CWC27: variants seen among roughly 807,000 people sequenced by gnomAD.
CWC27 encodes the protein spliceosome-associated protein CWC27 homolog.
CWC27 carries 47 observed loss-of-function variants against 63.6 expected under a neutral mutation model. The observed-to-expected ratio is 0.74, with a 90% CI of 0.58 to 0.94. The LOEUF (loss-of-function observed/expected upper bound fraction) is 0.94. Ranked by LOEUF, CWC27 falls within the 40% of genes least tolerant of loss-of-function variation. The pLI, the probability that CWC27 is intolerant of heterozygous loss-of-function variation, is 0.00. For missense variants in CWC27, 495 were observed against 554.3 expected, an observed-to-expected ratio of 0.89 and a Z score of 1.07; for synonymous variants, 175 against 179.8, an observed-to-expected ratio of 0.97 and a Z score of 0.22.
chr5:64,796,289 A>C (rs1744262674), intron 7 of CWC27, among the ~76,000 whole-genome samples: 3 of 152,136 alleles, frequency 2.0e-5, no homozygotes, highest in African/African-American at 7.2e-5. Flanking sequence ...TTAATCTGTC[A>C]CTTTATCTCT....
intron 13 of CWC27, among the ~76,000 whole-genome samples, chr5:64,986,959 A>T (rs954492728): frequency 1.3e-4 from 20 of 152,158 alleles, no homozygotes; most frequent in African/African-American, 4.6e-4. Context: ...TGTTGCAAGG[A>T]TGAATTGATG....
At chr5:64,830,339 A>G (rs958881581) in intron 10 of CWC27, among the ~76,000 whole-genome samples, 1 of 152,130 alleles carries the variant, frequency 6.6e-6, no homozygotes, top group Admixed American at 6.6e-5. Flanking sequence ...AGGATTCCCT[A>G]TTTAATAAAT....
At chr5:64,913,835 T>C (rs1031745516) in intron 11 of CWC27, among the ~76,000 whole-genome samples, 2 of 152,074 alleles carry the variant, frequency 1.3e-5, no homozygotes, top group African/African-American at 4.8e-5. Flanking sequence ...TAGAACCTGA[T>C]AAGCTTATTG....
At chr5:64,984,549 C>T (rs946049434) in intron 13 of CWC27, among the ~76,000 whole-genome samples, 1 of 152,160 alleles carries the variant, frequency 6.6e-6, no homozygotes, top group Non-Finnish European at 1.5e-5. Context: ...AATGAGCAAT[C>T]CAGTAGTAAT....
At chr5:64,932,856 C>A (rs1168923088) in intron 11 of CWC27, among the ~76,000 whole-genome samples, 1 of 152,148 alleles carries the variant, frequency 6.6e-6, no homozygotes, top group Non-Finnish European at 1.5e-5. Flanking sequence ...TAATAAAAAA[C>A]CTAAACTGAT....
At chr5:64,909,757 A>G (rs1189216991) in intron 11 of CWC27, among the ~76,000 whole-genome samples, 2 of 152,126 alleles carry the variant, frequency 1.3e-5, no homozygotes, top group East Asian at 3.9e-4. Context: ...TGTGTCACGT[A>G]GTTCTCGTGC....
At chr5:64,796,607 A>G (rs1275411487) in intron 7 of CWC27, among the ~76,000 whole-genome samples, 1 of 152,042 alleles carries the variant, frequency 6.6e-6, no homozygotes, top group Non-Finnish European at 1.5e-5. Flanking sequence ...TCATAGCAAC[A>G]TCTAGACTGG....
At chr5:64,970,125 T>C (rs778717754) in intron 11 of CWC27, among the ~76,000 whole-genome samples, 1 of 151,968 alleles carries the variant, frequency 6.6e-6, no homozygotes, top group African/African-American at 2.4e-5. Context: ...TTGCTCTTTA[T>C]CCCAGGACAA....
intron 13 of CWC27, among the ~76,000 whole-genome samples, chr5:64,981,398 G>A (rs1749329511): frequency 6.6e-6 from 1 of 151,906 alleles, no homozygotes; most frequent in African/African-American, 2.4e-5. Context: ...TCCTTATCAT[G>A]TATAATTTTA....
chr5:64,789,259 T>A (rs1171752026), intron 7 of CWC27, among the ~76,000 whole-genome samples: 1 of 152,106 alleles, frequency 6.6e-6, no homozygotes, highest in African/African-American at 2.4e-5. Context: ...ACTTGCAGTT[T>A]TTTGAATGGT....
At chr5:64,784,051 C>T (rs1743796519) in intron 4 of CWC27, 72 bp downstream of exon 4, 2 of 1,283,782 alleles carry the variant, frequency 1.6e-6, no homozygotes, top group Non-Finnish European at 2.1e-6. Flanking sequence ...TTCTAAGATA[C>T]ATATGATTAA....
Position 64,916,692 on chromosome 5 carries a change from G to A in CWC27, c.1042+31146G>A, listed in dbSNP as rs538230877. 3.9e-5 allele frequency among the ~76,000 whole-genome samples: 6 copies of A among 152,234 alleles called. No individual in the cohort carries two copies. The East Asian group carries it at 1.2e-3, about 29-fold the overall frequency. ...ATCATGGGTCACTCTGTCATCAGGG[G>A]CAGAACCTGTTATCAGAAGAAGGAG... On this transcript the variant is annotated intron_variant, in intron 11 of 13. Transcript: ENST00000381070.
At chr5:64,846,109 C>A (rs140018092) in intron 10 of CWC27, among the ~76,000 whole-genome samples, 9 of 152,274 alleles carry the variant, frequency 5.9e-5, no homozygotes, top group Admixed American at 1.3e-4. Flanking sequence ...AACACAAAAA[C>A]TACCAATCAA....
intron 10 of CWC27, among the ~76,000 whole-genome samples, chr5:64,853,692 A>G (rs1267142941): frequency 6.6e-6 from 1 of 152,146 alleles, no homozygotes; most frequent in Non-Finnish European, 1.5e-5. Flanking sequence ...CATGTTTTAA[A>G]CAACCAGATC....
intron 13 of CWC27, among the ~76,000 whole-genome samples, chr5:64,988,342 A>G (rs1749473446): frequency 6.6e-6 from 1 of 152,100 alleles, no homozygotes; most frequent in South Asian, 2.1e-4. Flanking sequence ...GATTTGTATG[A>G]TTCTCTTATG....
Position 65,018,498 on chromosome 5 carries a change from T to G in CWC27, c.*177T>G. 2.0e-6 allele frequency: 1 copy of G among 502,554 alleles called. No homozygotes were observed. The highest frequency in any genetic ancestry group is 3.4e-6 in the Non-Finnish European group (1 of 295,488). 31.1% of individuals were successfully genotyped at this position (502,554 alleles called of 1,614,324 possible). On this transcript the variant is annotated 3_prime_UTR_variant, in exon 14 of 14. Transcript: ENST00000381070. The stretch of plus-strand genomic sequence containing the variant: ...ATTGTGGAATGATGTAAGCAAATGC[T>G]TTTGGTTACTGGTACATGTGTTTTT...
intron 1 of CWC27, among the ~76,000 whole-genome samples, chr5:64,772,468 T>A (rs1162588332): frequency 6.9e-6 from 1 of 145,126 alleles, no homozygotes. Flanking sequence ...CTAAAAAAAA[T>A]GCAAAAAAAG....
At chr5:64,968,258 A>G (rs1228655047) in intron 11 of CWC27, among the ~76,000 whole-genome samples, 14 of 152,020 alleles carry the variant, frequency 9.2e-5, no homozygotes, top group Non-Finnish European at 1.0e-4. Context: ...GAGCAACTCA[A>G]CCTCTCCTAT....
chr5:64,898,047 G>A (rs527921614), intron 11 of CWC27, among the ~76,000 whole-genome samples: 4 of 152,254 alleles, frequency 2.6e-5, no homozygotes, highest in South Asian at 2.1e-4. Flanking sequence ...TTGATATAAT[G>A]TACAAAAGGG....
Sources: allele counts gnomAD v4.1 joint callset (sites outside exome capture counted in the v4.1 genomes callset), GRCh38; gene constraint gnomAD v4.1.1; transcripts MANE v1.5; gene names NCBI Gene and HGNC (gene_info 2026-07-23, HGNC 2026-07-21).